The following TRAPPC9 variants were observed in gnomAD, a reference collection of about 807,000 sequenced individuals.
TRAPPC9 encodes the protein trafficking protein particle complex subunit 9, also known as IKK2 binding protein.
In TRAPPC9, 83 loss-of-function variants were observed where a neutral mutation model predicts 124.0. The ratio of observed to expected loss-of-function variants is 0.67; its 90% CI spans 0.56 to 0.80. The LOEUF (loss-of-function observed/expected upper bound fraction) is 0.80. Ranked by LOEUF, TRAPPC9 falls within the 30% of genes least tolerant of loss-of-function variation. The pLI is 0.00. For synonymous variants in TRAPPC9, 638 were observed against 617.5 expected, an observed-to-expected ratio of 1.03 and a Z score of -0.49; for missense variants, 1,302 against 1,508.3, an observed-to-expected ratio of 0.86 and a Z score of 2.27.
intron 21 of TRAPPC9, among the ~76,000 whole-genome samples, chr8:139,840,875 G>C (rs1215767450): frequency 6.6e-6 from 1 of 152,190 alleles, no homozygotes; most frequent in Admixed American, 6.5e-5. Context: ...TTCTATGGCT[G>C]CCTCACTCTG....
chr8:139,743,468 T>G (rs539112688), intron 21 of TRAPPC9, among the ~76,000 whole-genome samples: 60 of 152,372 alleles, frequency 3.9e-4, no homozygotes, highest in African/African-American at 1.3e-3. Context: ...TTTTTAAGGC[T>G]CTATCCAGCC....
chr8:139,831,275 A>G (rs1176458376), intron 21 of TRAPPC9, among the ~76,000 whole-genome samples: 1 of 152,158 alleles, frequency 6.6e-6, no homozygotes, highest in Non-Finnish European at 1.5e-5. Flanking sequence ...TGTGTCTGAC[A>G]GACTCTGAGG....
At chr8:140,119,582 C>A (rs6990022) in intron 17 of TRAPPC9, among the ~76,000 whole-genome samples, 121 of 152,324 alleles carry the variant, frequency 7.9e-4, no homozygotes, top group African/African-American at 2.5e-3. Flanking sequence ...TCCCTTAAGG[C>A]ATTTCCATAA....
chr8:139,800,571 A>G (rs1009345839), intron 21 of TRAPPC9, among the ~76,000 whole-genome samples: 39 of 152,220 alleles, frequency 2.6e-4, no homozygotes, highest in Non-Finnish European at 2.5e-4. Context: ...AGGAACTGAC[A>G]GCTGTTCCCG....
intron 2 of TRAPPC9, among the ~76,000 whole-genome samples, chr8:140,439,607 C>A (rs1186912649): frequency 6.6e-6 from 1 of 152,176 alleles, no homozygotes; most frequent in Non-Finnish European, 1.5e-5. Flanking sequence ...GTCTTATTAG[C>A]CAACCATTTG....
At chr8:140,430,450 A>G (rs574536098) in intron 4 of TRAPPC9, among the ~76,000 whole-genome samples, 101 of 152,108 alleles carry the variant, frequency 6.6e-4, no homozygotes, top group South Asian at 1.9e-3. Context: ...GGGCATGTGA[A>G]CCCCTTCTTT....
chr8:139,793,557 C>A (rs1822848701), intron 21 of TRAPPC9, among the ~76,000 whole-genome samples: 1 of 152,186 alleles, frequency 6.6e-6, no homozygotes, highest in African/African-American at 2.4e-5. Flanking sequence ...CCTGTTTGTG[C>A]CACCATGGAC....
At chr8:140,159,800 G>T (rs2061713835) in intron 17 of TRAPPC9, among the ~76,000 whole-genome samples, 3 of 152,212 alleles carry the variant, frequency 2.0e-5, no homozygotes, top group African/African-American at 7.2e-5. Context: ...TGGCCAAACA[G>T]ATGAACTGCA....
intron 19 of TRAPPC9, among the ~76,000 whole-genome samples, chr8:139,918,086 C>T (rs1832265228): frequency 6.6e-6 from 1 of 152,206 alleles, no homozygotes. Context: ...GAGACAGAGC[C>T]TCGCACTCCT....
chr8:139,973,784 G>A (rs142994931), intron 19 of TRAPPC9, among the ~76,000 whole-genome samples: 1 of 152,188 alleles, frequency 6.6e-6, no homozygotes, highest in East Asian at 1.9e-4. Context: ...AGGAGGCCGA[G>A]GTGAGTGCCA....
Position 140,366,308 on chromosome 8 carries a change from A to C in TRAPPC9, c.1351+4656T>G, listed in dbSNP as rs866804712. Among the ~76,000 whole-genome samples, 4 of 152,284 alleles carry C rather than the reference A, an allele frequency of 2.6e-5. No individual in the cohort carries two copies. The Middle Eastern group carries it at 0.014, about 518-fold the overall frequency. On this transcript the variant is annotated intron_variant, in intron 8 of 22. Transcript: ENST00000438773. The stretch of plus-strand genomic sequence containing the variant: ...ATTATAAAATTTTTTAATAAATAAA[A>C]ATATCCCTAATCTCGAGGCTTACTA...
chr8:139,765,533 G>A (rs1448860940), intron 21 of TRAPPC9, among the ~76,000 whole-genome samples: 3 of 152,234 alleles, frequency 2.0e-5, no homozygotes, highest in African/African-American at 7.2e-5. Flanking sequence ...AGAGTTAAGG[G>A]AAGAACAGTT....
intron 5 of TRAPPC9, among the ~76,000 whole-genome samples, chr8:140,413,970 T>A (rs973520247): frequency 1.3e-4 from 20 of 152,046 alleles, no homozygotes; most frequent in Non-Finnish European, 2.2e-4. Context: ...GCAATAAACA[T>A]ACGTGTGCAT....
At chr8:139,762,832 T>C (rs1392135378) in intron 21 of TRAPPC9, among the ~76,000 whole-genome samples, 1 of 152,224 alleles carries the variant, frequency 6.6e-6, no homozygotes, top group Non-Finnish European at 1.5e-5. Context: ...CCTCTCATTC[T>C]GCCTCTGAGT....
chr8:140,355,421 C>T (rs1329879078), intron 9 of TRAPPC9, among the ~76,000 whole-genome samples: 1 of 152,224 alleles, frequency 6.6e-6, no homozygotes, highest in Non-Finnish European at 1.5e-5. Context: ...CTGGTTGCAG[C>T]TTTGTCAGTC....
intron 17 of TRAPPC9, among the ~76,000 whole-genome samples, chr8:140,164,720 C>T (rs1013026752): frequency 4.6e-5 from 7 of 152,198 alleles, no homozygotes; most frequent in African/African-American, 7.2e-5. Context: ...GGTGGAACTC[C>T]GCATGGGCCT....
intron 21 of TRAPPC9, among the ~76,000 whole-genome samples, chr8:139,814,127 G>A (rs768876714): frequency 3.9e-5 from 6 of 152,308 alleles, no homozygotes; most frequent in East Asian, 1.9e-4. Flanking sequence ...ACGTTCCTCC[G>A]GCAGCCGCCA....
chr8:140,183,862 A>AAAG lies in TRAPPC9; in HGVS notation c.2556+37594_2556+37596dup, dbSNP rs1173930930. 2.5e-3 allele frequency among the ~76,000 whole-genome samples: 78 copies of AAAG among 30,608 alleles called. 2 individuals carry two copies. Among genetic ancestry groups the AAAG allele is most frequent in the Non-Finnish European group, 4.1e-3 (63 of 15,186 alleles). The allele number at this position is 30,608 out of a possible 152,430, so 20.1% of individuals were successfully genotyped here. ...AGAATGAGACTTTGTCAAAAAAAAA[A>AAAG]AAGAAGAAGAAGAAGAAGAAGAAGA... On this transcript the variant is annotated intron_variant, in intron 17 of 22. Transcript: ENST00000438773.
chr8:140,255,851 A>C (rs61506815), intron 15 of TRAPPC9, among the ~76,000 whole-genome samples: 1 of 152,038 alleles, frequency 6.6e-6, no homozygotes, highest in Non-Finnish European at 1.5e-5. Context: ...GCGCCACTAC[A>C]CTCCAGCCTG....
Sources: gnomAD v4.1 joint callset for allele counts (sites outside exome capture counted in the v4.1 genomes callset) on GRCh38, gnomAD v4.1.1 for gene constraint, MANE v1.5 for transcripts, NCBI Gene and HGNC (gene_info 2026-07-23, HGNC 2026-07-21) for gene names.